Variants in RTN4RL1 observed in about 807,000 individuals in gnomAD.
The protein encoded by RTN4RL1 is reticulon-4 receptor-like 1.
RTN4RL1 carries 7 observed loss-of-function variants against 25.6 expected under a neutral mutation model. The observed-to-expected ratio is 0.27, with a 90% CI of 0.16 to 0.51. RTN4RL1 has a LOEUF of 0.51. Among genes scored for constraint, RTN4RL1 ranks in the 20% least tolerant of loss-of-function variants. RTN4RL1 has a pLI of 0.97. For synonymous variants in RTN4RL1, 297 were observed against 288.2 expected, an observed-to-expected ratio of 1.03 and a Z score of -0.31; for missense variants, 500 against 615.6, an observed-to-expected ratio of 0.81 and a Z score of 1.99.
At chr17:2,009,912 T>C (rs2067031185) in intron 1 of RTN4RL1, among the ~76,000 whole-genome samples, 1 of 128,770 alleles carries the variant, frequency 7.8e-6, no homozygotes, top group Admixed American at 8.1e-5. Flanking sequence ...CCAGGTACTG[T>C]AGCAAGCACA....
At chr17:1,967,172 T>G (rs2066795315) in intron 1 of RTN4RL1, among the ~76,000 whole-genome samples, 1 of 149,164 alleles carries the variant, frequency 6.7e-6, no homozygotes, top group Non-Finnish European at 1.5e-5. Flanking sequence ...GAGGGGGCCC[T>G]GGGTTATCAA....
chr17:2,010,714 T>A (rs917853393), intron 1 of RTN4RL1, among the ~76,000 whole-genome samples: 2 of 147,062 alleles, frequency 1.4e-5, no homozygotes, highest in Non-Finnish European at 3.0e-5. Context: ...CACACCATCA[T>A]GCCTGGCTAA....
In RTN4RL1 at chr17:1,936,608, G is replaced by A. The variant is rs542996365; in HGVS notation, c.1214C>T (p.Ala405Val). The change falls in exon 2 of 2, where the codon GCC (alanine) becomes GTC (valine). Residue 405 changes from alanine (A) to valine (V), a missense_variant. Ala to Val is a moderately conservative substitution (Grantham distance 64, BLOSUM62 0). Around this residue, in one of 2 missense-constraint regions of RTN4RL1, gnomAD observed 268 missense variants for 274.5 expected, o/e 0.98. Transcript: ENST00000331238. ...TARPKRKGKC[A>V]RRTPIRAPSG... Reference sequence around the variant, plus strand: ...GGGGGCACGGATGGGGGTCCTGCGGGCACACTTGCCCTTCCTCTTGGGCCG... The same window carrying A: ...GGGGGCACGGATGGGGGTCCTGCGGACACACTTGCCCTTCCTCTTGGGCCG... 2.5e-6 allele frequency: 4 copies of A among 1,589,362 alleles called. No homozygotes were observed. Among genetic ancestry groups the A allele is most frequent in the Middle Eastern group, 1.7e-4 (1 of 6,012 alleles).
Position 1,994,758 on chromosome 17 carries a change from C to T in RTN4RL1, c.13+30095G>A, listed in dbSNP as rs1187182037. 2.6e-5 allele frequency among the ~76,000 whole-genome samples: 4 copies of T among 152,228 alleles called. No individual in the cohort carries two copies. Among genetic ancestry groups the T allele is most frequent in the East Asian group, 1.9e-4 (1 of 5,178 alleles). On this transcript the variant is annotated intron_variant, in intron 1 of 1. Coordinates refer to ENST00000331238, the MANE Select transcript of RTN4RL1 (RefSeq NM_178568.4). The surrounding 1 kb of genome is among the most constrained non-coding windows in gnomAD (Gnocchi z 4.3). The stretch of plus-strand genomic sequence containing the variant: ...CTTCTCTAGGAAAGGGGATAATACA[C>T]GCTTGCGTTGGGGGAAAGGTGGTTA...
intron 1 of RTN4RL1, among the ~76,000 whole-genome samples, chr17:1,963,288 A>T (rs1223384358): frequency 6.6e-6 from 1 of 152,098 alleles, no homozygotes; most frequent in Non-Finnish European, 1.5e-5. Context: ...ATTTCTCTTG[A>T]TTGAATCAGG....
chr17:1,968,460 C>G (rs1224774862), intron 1 of RTN4RL1, among the ~76,000 whole-genome samples: 1 of 152,214 alleles, frequency 6.6e-6, no homozygotes, highest in Non-Finnish European at 1.5e-5. Context: ...ACTCCCCCTT[C>G]TCTATCGGAG....
chr17:1,947,421 G>A (rs1281053430), intron 1 of RTN4RL1, among the ~76,000 whole-genome samples: 4 of 152,182 alleles, frequency 2.6e-5, no homozygotes, highest in East Asian at 1.9e-4. Flanking sequence ...AAAAGGGAGC[G>A]GGGCCCTGTT....
intron 1 of RTN4RL1, among the ~76,000 whole-genome samples, chr17:1,996,442 T>G: frequency 9.9e-6 from 1 of 100,668 alleles, no homozygotes; most frequent in East Asian, 3.4e-4. Context: ...GCCCTCCCCC[T>G]GAGAAGCGGC....
At chr17:1,961,190 A>G (rs1031909948) in intron 1 of RTN4RL1, among the ~76,000 whole-genome samples, 1 of 152,224 alleles carries the variant, frequency 6.6e-6, no homozygotes, top group African/African-American at 2.4e-5. Context: ...CTACAAAGAT[A>G]AAGAAACAGC....
chr17:1,970,373 CTGGAT>C (rs1356918347), intron 1 of RTN4RL1, among the ~76,000 whole-genome samples: 1 of 152,160 alleles, frequency 6.6e-6, no homozygotes, highest in East Asian at 1.9e-4. Flanking sequence ...AGCAAGGTAG[CTGGAT>C]TTTTTACCTG....
chr17:1,956,387 G>C (rs1278243136), intron 1 of RTN4RL1, among the ~76,000 whole-genome samples: 7 of 151,654 alleles, frequency 4.6e-5, no homozygotes, highest in Non-Finnish European at 1.5e-5. Flanking sequence ...GTCATCAGTG[G>C]GGGTGTGAAG....
rs569492920 is a variant in RTN4RL1, at chr17:1,936,360, C to T, written c.*136G>A. On this transcript the variant is annotated 3_prime_UTR_variant, in exon 2 of 2. Coordinates refer to ENST00000331238, the MANE Select transcript of RTN4RL1 (RefSeq NM_178568.4). ...TATAATCCACATGGCAGGGTCCAGA[C>T]GTCCAGACAGCAGCCGAAGGCTCTA... 6.2e-5 allele frequency: 90 copies of T among 1,441,254 alleles called. No individual in the cohort carries two copies. The East Asian group carries it at 1.4e-3, about 22-fold the overall frequency. The allele number at this position is 1,441,254 out of a possible 1,614,324, so 89.3% of individuals were successfully genotyped here. A position where few individuals can be genotyped will look rare whatever the true frequency, so the allele number is the denominator to read the frequency against.
chr17:1,954,383 C>CTTTTTTT (rs55654151), intron 1 of RTN4RL1, among the ~76,000 whole-genome samples: 2 of 124,324 alleles, frequency 1.6e-5, no homozygotes, highest in Admixed American at 8.7e-5. Context: ...TGCTTCCTTC[C>CTTTTTTT]TTTTTTTTTT....
At chr17:1,944,314 C>T (rs1247566551) in intron 1 of RTN4RL1, among the ~76,000 whole-genome samples, 1 of 152,154 alleles carries the variant, frequency 6.6e-6, no homozygotes, top group Non-Finnish European at 1.5e-5. Flanking sequence ...CTCTTGTCTG[C>T]GGACGTCGGC....
intron 1 of RTN4RL1, among the ~76,000 whole-genome samples, chr17:1,956,565 C>T (rs563657519): frequency 6.6e-6 from 1 of 152,214 alleles, no homozygotes; most frequent in East Asian, 1.9e-4. Context: ...TGCAGAGTAT[C>T]CCACTGCATG....
intron 1 of RTN4RL1, among the ~76,000 whole-genome samples, chr17:1,939,145 G>A (rs1386787054): frequency 6.6e-6 from 1 of 152,020 alleles, no homozygotes; most frequent in African/African-American, 2.4e-5. Context: ...GAGGTCAGGA[G>A]ATCGAGACCA....
At chr17:2,015,274 T>A (rs1173130822) in intron 1 of RTN4RL1, among the ~76,000 whole-genome samples, 1 of 152,058 alleles carries the variant, frequency 6.6e-6, no homozygotes, top group Non-Finnish European at 1.5e-5. Flanking sequence ...GATGCCATGA[T>A]GGGGAAATTG....
intron 1 of RTN4RL1, among the ~76,000 whole-genome samples, chr17:2,012,153 T>TC (rs1430274819): frequency 6.6e-6 from 1 of 152,218 alleles, no homozygotes; most frequent in Non-Finnish European, 1.5e-5. Flanking sequence ...CCAGAGAGTG[T>TC]CCATGAGAGG....
At chr17:1,983,830 C>T (rs1246236191) in intron 1 of RTN4RL1, among the ~76,000 whole-genome samples, 4 of 152,124 alleles carry the variant, frequency 2.6e-5, no homozygotes, top group East Asian at 1.9e-4. Flanking sequence ...GTGTGAGCCA[C>T]GGCGCCGGGT....
Sources: allele counts gnomAD v4.1 joint callset (sites outside exome capture counted in the v4.1 genomes callset), GRCh38; gene constraint gnomAD v4.1.1; regional missense constraint gnomAD v4.1.1; non-coding constraint Gnocchi (gnomAD v3.1); transcripts MANE v1.5; gene names NCBI Gene and HGNC (gene_info 2026-07-23, HGNC 2026-07-21).